The following KMT5B variants were observed in gnomAD, a reference collection of about 807,000 sequenced individuals.
KMT5B encodes the protein histone-lysine N-methyltransferase KMT5B.
KMT5B carries 10 observed loss-of-function variants against 83.2 expected under a neutral mutation model. That is an observed-to-expected ratio of 0.12 (90% confidence interval 0.07 to 0.20). The LOEUF (loss-of-function observed/expected upper bound fraction) is 0.20. KMT5B is among the 10% of genes least tolerant of loss of function. The pLI, the probability that KMT5B is intolerant of heterozygous loss-of-function variation, is 1.00. For synonymous variants in KMT5B, 349 were observed against 388.8 expected (o/e 0.90, Z 1.20); for missense variants, 753 against 1,067.2 (o/e 0.71, Z 4.10).
chr11:68,193,342 C>G (rs1033610967), intron 1 of KMT5B, among the ~76,000 whole-genome samples: 1 of 152,138 alleles, frequency 6.6e-6, no homozygotes, highest in African/African-American at 2.4e-5. Flanking sequence ...TAAATTACTT[C>G]GAAGTATTCA....
Position 68,155,874 on chromosome 11 carries a change from C to T in KMT5B, c.*1814G>A, listed in dbSNP as rs1045690778. Reference sequence around the variant, plus strand: ...CTTTCCAAACGCCTGAGGAGTTCGACTGCACCACAACAAACAAGGATGAGA... The same window carrying T: ...CTTTCCAAACGCCTGAGGAGTTCGATTGCACCACAACAAACAAGGATGAGA... On this transcript the variant is annotated 3_prime_UTR_variant, in exon 11 of 11. Transcript: ENST00000304363. 2 of 152,218 alleles carry T rather than the reference C, an allele frequency of 1.3e-5. No homozygotes were observed. Among genetic ancestry groups the T allele is most frequent in the Admixed American group, 1.3e-4 (2 of 15,282 alleles). The allele number at this position is 152,218 out of a possible 1,614,324, so 9.4% of individuals were successfully genotyped here. A position where few individuals can be genotyped will look rare whatever the true frequency, so the allele number is the denominator to read the frequency against.
chr11:68,168,862 T>C (rs966014357), intron 9 of KMT5B, among the ~76,000 whole-genome samples: 4 of 152,222 alleles, frequency 2.6e-5, no homozygotes, highest in Non-Finnish European at 4.4e-5. Context: ...TTCACTGAAC[T>C]GCCCTGACAG....
chr11:68,181,329 T>G (rs1249555324), intron 3 of KMT5B, among the ~76,000 whole-genome samples: 1 of 152,164 alleles, frequency 6.6e-6, no homozygotes. Context: ...CGCCTCGGCC[T>G]CCCAAAGTGC....
intron 1 of KMT5B, among the ~76,000 whole-genome samples, chr11:68,203,702 CATT>C (rs1859729142): frequency 6.6e-6 from 1 of 152,212 alleles, no homozygotes; most frequent in African/African-American, 2.4e-5. Flanking sequence ...CTCCTATAAA[CATT>C]GTTGTCTCAC....
rs571035746 is a variant in KMT5B, at chr11:68,165,796, A to G, written c.1174+1186T>C. On this transcript the variant is annotated intron_variant, in intron 10 of 10. Coordinates refer to ENST00000304363, the MANE Select transcript of KMT5B (RefSeq NM_017635.5). Reference sequence around the variant, plus strand: ...CTAACTCTTGTTGTTCACTCTGGACATTAACGAAAAAGACTGGAATAGGGC... The same window carrying G: ...CTAACTCTTGTTGTTCACTCTGGACGTTAACGAAAAAGACTGGAATAGGGC... The G allele has an allele frequency of 3.2e-6, 5 of 1,574,334 alleles. No individual in the cohort carries two copies. In the East Asian group the frequency reaches 6.8e-5, roughly 21 times the overall value.
At position 68,158,979 on chromosome 11, in the gene KMT5B, T is replaced by C. The variant is rs1399104860; in HGVS notation, c.1367A>G (p.Asn456Ser). ...KPLLSKIKLR[N>S]HCKRLEQKNA... is the part of the protein sequence containing the mutation. ...CTTTTGCTCCAGCCGCTTGCAATGATTTCTCAATTTTATCTTTGAAAGTAA... is the reference window on the plus strand; with the variant it reads ...CTTTTGCTCCAGCCGCTTGCAATGACTTCTCAATTTTATCTTTGAAAGTAA... The change falls in exon 11 of 11, where the codon AAT (asparagine) becomes AGT (serine). Residue 456 changes from asparagine to serine, a missense_variant. Asn to Ser is a conservative substitution (Grantham distance 46). Around this residue, in one of 9 missense-constraint regions of KMT5B, gnomAD observed 397 missense variants for 395.9 expected, o/e 1.00. Transcript: ENST00000304363. 2 of 1,612,012 alleles carry C rather than the reference T, an allele frequency of 1.2e-6. No individual in the cohort carries two copies. The highest frequency in any genetic ancestry group is 8.5e-7 in the Non-Finnish European group (1 of 1,179,590).
intron 1 of KMT5B, among the ~76,000 whole-genome samples, chr11:68,211,077 C>T (rs548802708): frequency 6.6e-6 from 1 of 152,288 alleles, no homozygotes; most frequent in South Asian, 2.1e-4. Context: ...CCCTATAAAC[C>T]CACAAACTGA....
chr11:68,167,585 T>A (rs1855433916), intron 9 of KMT5B, among the ~76,000 whole-genome samples: 3 of 151,764 alleles, frequency 2.0e-5, no homozygotes, highest in Admixed American at 6.6e-5. Context: ...ATCCTGAGTA[T>A]CTGGGACCAT....
rs1442050581 is a variant in KMT5B, at chr11:68,166,969, C to T, written c.1174+13G>A. The T allele has an allele frequency of 2.5e-6, 4 of 1,611,850 alleles. No homozygotes were observed. The highest frequency in any genetic ancestry group is 2.7e-5 in the African/African-American group (2 of 74,898). On this transcript the variant is annotated intron_variant, in intron 10 of 10. Coordinates refer to ENST00000304363, the MANE Select transcript of KMT5B (RefSeq NM_017635.5). ...CTTTTAAAAGATATGCTTATCAAAT[C>T]TCCCTTACTTACTTGCATTGTTTTT...
Position 68,171,358 on chromosome 11 carries a change from A to G in KMT5B, c.821-107T>C, listed in dbSNP as rs1855819908. The G allele has an allele frequency of 7.1e-7, 1 of 1,412,630 alleles. No homozygotes were observed. Among genetic ancestry groups the G allele is most frequent in the African/African-American group, 1.4e-5 (1 of 69,270 alleles). The allele number at this position is 1,412,630 out of a possible 1,614,324, so 87.5% of individuals were successfully genotyped here. On this transcript the variant is annotated intron_variant, in intron 7 of 10. Coordinates refer to ENST00000304363, the MANE Select transcript of KMT5B (RefSeq NM_017635.5). This position sits in a 1 kb window ranked among gnomAD's most constrained non-coding sequence, Gnocchi z 5.1. ...TTTCCATATAACTTTACAACTTTTG[A>G]TAGGAGTTTAGGTCTCAAGTTCAAC...
chr11:68,187,102 T>G lies in KMT5B; in HGVS notation c.161-1174A>C, dbSNP rs191479348. Reference sequence around the variant, plus strand: ...GCCTCGAATTCCTGGGCTCAAGGAATCATCCTGCCTCAGCCTCCCTAGTAG... The same window carrying G: ...GCCTCGAATTCCTGGGCTCAAGGAAGCATCCTGCCTCAGCCTCCCTAGTAG... On this transcript the variant is annotated intron_variant, in intron 2 of 10. Transcript: ENST00000304363. 5.9e-3 allele frequency among the ~76,000 whole-genome samples: 903 copies of G among 152,102 alleles called. 3 individuals carry two copies. Among genetic ancestry groups the G allele is most frequent in the Non-Finnish European group, 8.7e-3 (594 of 67,970 alleles).
intron 2 of KMT5B, among the ~76,000 whole-genome samples, chr11:68,187,594 G>A (rs1021495641): frequency 8.6e-5 from 13 of 152,018 alleles, no homozygotes; most frequent in African/African-American, 2.4e-4. Context: ...CTTGTTATAC[G>A]GTCTAGCATA....
intron 5 of KMT5B, 58 bp downstream of exon 5, chr11:68,174,960 A>G (rs1856214467): frequency 6.8e-7 from 1 of 1,471,824 alleles, no homozygotes; most frequent in African/African-American, 1.4e-5. Flanking sequence ...TTAGGGTTTT[A>G]ATTTACTTCA....
chr11:68,159,078 T>C lies in KMT5B; in HGVS notation c.1268A>G (p.Asn423Ser), dbSNP rs1854636326. 1.2e-6 allele frequency: 2 copies of C among 1,609,296 alleles called. No homozygotes were observed. Among genetic ancestry groups the C allele is most frequent in the Non-Finnish European group, 1.7e-6 (2 of 1,178,740 alleles). Residue 423 changes from asparagine to serine, a missense_variant, in exon 11 of 11, where the codon AAC becomes AGC. Transcript: ENST00000304363. Reference protein sequence around the residue: ...QSMSRIPASSNSTSSKLTHIN... With the variant: ...QSMSRIPASSSSTSSKLTHIN... The stretch of plus-strand genomic sequence containing the variant: ...ATGAGTTAGCTTAGATGAGGTAGAG[T>C]TGGAAGAAGCTGGAATTCTTGACAT...
At position 68,158,754 on chromosome 11, in the gene KMT5B, C is replaced by T. The variant is rs766136425; in HGVS notation, c.1592G>A (p.Ser531Asn). ...CCGAGTTATGTAGGTGCAGGGCGAG[C>T]TCTCCCCCTGCGAATGAGCACCTCT... ...PVRGAHSQGESSPCTYITRRS... is the reference protein window; with the variant it reads ...PVRGAHSQGENSPCTYITRRS... The change falls in exon 11 of 11, where the codon AGC (serine) becomes AAC (asparagine). Residue 531 changes from serine to asparagine, a missense_variant. Ser to Asn is a conservative substitution (Grantham distance 46, BLOSUM62 1). Around this residue, in one of 9 missense-constraint regions of KMT5B, gnomAD observed 397 missense variants for 395.9 expected, o/e 1.00. Coordinates refer to ENST00000304363, the MANE Select transcript of KMT5B (RefSeq NM_017635.5). The T allele has an allele frequency of 6.2e-7, 1 of 1,614,168 alleles. No homozygotes were observed. Among genetic ancestry groups the T allele is most frequent in the Middle Eastern group, 1.7e-4 (1 of 6,060 alleles).
chr11:68,191,871 C>T (rs1858121126), intron 1 of KMT5B, among the ~76,000 whole-genome samples: 1 of 152,238 alleles, frequency 6.6e-6, no homozygotes, highest in Admixed American at 6.5e-5. Flanking sequence ...CACTCACTGA[C>T]TCATCCAGAG....
chr11:68,179,347 T>C (rs1236049570), intron 4 of KMT5B: 21 of 923,050 alleles, frequency 2.3e-5, no homozygotes, highest in African/African-American at 5.2e-5. Flanking sequence ...ACCAAACATA[T>C]CTATTTTTTC....
At chr11:68,166,183 T>A in intron 10 of KMT5B, 1 of 1,330,038 alleles carries the variant, frequency 7.5e-7, no homozygotes, top group Non-Finnish European at 9.6e-7. Context: ...TACAGAAAAC[T>A]GGTGTTACCC....
chr11:68,169,369 C>T (rs1855630271), intron 9 of KMT5B, among the ~76,000 whole-genome samples: 1 of 152,198 alleles, frequency 6.6e-6, no homozygotes, highest in Non-Finnish European at 1.5e-5. Context: ...TTACTCTATT[C>T]ATTCATTTAC....
Sources: allele counts gnomAD v4.1 joint callset (sites outside exome capture counted in the v4.1 genomes callset), GRCh38; gene constraint gnomAD v4.1.1; regional missense constraint gnomAD v4.1.1; non-coding constraint Gnocchi (gnomAD v3.1); transcripts MANE v1.5; gene names NCBI Gene and HGNC (gene_info 2026-07-23, HGNC 2026-07-21).